Variants in ARV1 observed in about 807,000 individuals in gnomAD.
The protein encoded by ARV1 is protein ARV1.
Under a neutral mutation model 31.1 loss-of-function variants are expected in ARV1, and 26 were observed. The observed-to-expected ratio is 0.84, with a 90% CI of 0.61 to 1.16. The LOEUF (loss-of-function observed/expected upper bound fraction) is 1.16. Among genes scored for constraint, ARV1 ranks in the 50% most tolerant of loss-of-function variants. The probability of loss-of-function intolerance (pLI) is 0.00; values close to 1 mark genes in which losing one functional copy is unlikely to be tolerated. For missense variants in ARV1, 281 were observed against 324.9 expected (o/e 0.86, Z 1.04); for synonymous variants, 117 against 123.2 (o/e 0.95, Z 0.34).
chr1:230,983,412 CAAAAA>C (rs386369944), intron 1 of ARV1, among the ~76,000 whole-genome samples: 13 of 106,418 alleles, frequency 1.2e-4, no homozygotes, highest in Non-Finnish European at 2.2e-4. Flanking sequence ...GACTCCGTCT[CAAAAA>C]AAAAAAAAAA....
chr1:230,998,746 A>G (rs1021398585), intron 5 of ARV1, among the ~76,000 whole-genome samples: 3 of 132,794 alleles, frequency 2.3e-5, no homozygotes, highest in East Asian at 2.0e-4. Flanking sequence ...TCTTTACAGG[A>G]AAAAAAAAAA....
intron 3 of ARV1, among the ~76,000 whole-genome samples, chr1:230,991,903 C>A (rs1393703566): frequency 6.6e-6 from 1 of 152,160 alleles, no homozygotes; most frequent in African/African-American, 2.4e-5. Flanking sequence ...GCTGGGATTA[C>A]AGGCATGAGC....
In ARV1 at chr1:230,984,371, T is replaced by TGTGCGTGC. The variant is rs1553303982; in HGVS notation, c.175-3946_175-3945insCGTGCGTG. 5.7e-4 allele frequency among the ~76,000 whole-genome samples: 49 copies of TGTGCGTGC among 85,574 alleles called. 1 individual carries two copies. The highest frequency in any genetic ancestry group is 2.1e-3 in the African/African-American group (48 of 23,032). 56.1% of individuals were successfully genotyped at this position (85,574 alleles called of 152,430 possible). On this transcript the variant is annotated intron_variant, in intron 1 of 5. Transcript: ENST00000310256. ...GTGTGTGTGTGTGTGTGCGTGTGTG[T>TGTGCGTGC]GTGTGTGTGTGTGTGTGTGTGTGTG...
At chr1:230,986,133 A>G (rs570706022) in intron 1 of ARV1, among the ~76,000 whole-genome samples, 17 of 152,020 alleles carry the variant, frequency 1.1e-4, no homozygotes, top group African/African-American at 4.1e-4. Context: ...CATGTTAGCC[A>G]GGATGGTCTC....
At chr1:230,989,704 A>G (rs1347135362) in intron 2 of ARV1, among the ~76,000 whole-genome samples, 3 of 152,218 alleles carry the variant, frequency 2.0e-5, no homozygotes, top group Non-Finnish European at 2.9e-5. Flanking sequence ...TCCCACATAT[A>G]CATGAATCAC....
chr1:230,980,188 A>G (rs1678823756), intron 1 of ARV1, among the ~76,000 whole-genome samples: 1 of 152,160 alleles, frequency 6.6e-6, no homozygotes, highest in Non-Finnish European at 1.5e-5. Context: ...CTTTTGTCAA[A>G]ATGTCAACCC....
intron 1 of ARV1, among the ~76,000 whole-genome samples, chr1:230,986,553 A>G (rs1679075352): frequency 6.6e-6 from 1 of 151,434 alleles, no homozygotes; most frequent in Admixed American, 6.6e-5. Context: ...TTTGGGGTAT[A>G]TGTTCCAGGA....
intron 3 of ARV1, among the ~76,000 whole-genome samples, chr1:230,992,465 C>T (rs959798892): frequency 6.6e-6 from 1 of 152,176 alleles, no homozygotes; most frequent in African/African-American, 2.4e-5. Flanking sequence ...CTTTGTTTTT[C>T]TTATGGTACT....
rs375101362 is a variant in ARV1 at position 230,996,327 on chromosome 1, A to G, written c.673+343A>G. Among the ~76,000 whole-genome samples the G allele has an allele frequency of 4.6e-5, 7 of 152,248 alleles. No individual in the cohort carries two copies. In the East Asian group the frequency reaches 5.8e-4, roughly 13 times the overall value. On this transcript the variant is annotated intron_variant, in intron 4 of 5. Transcript: ENST00000310256. ...TACATGGCTGGGCAGTTATCAAGTC[A>G]GGAGAGAATGCTGAGTATCTGCCTC...
intron 2 of ARV1, 45 bp from the exon 3 acceptor site, chr1:230,990,065 C>A: frequency 6.4e-7 from 1 of 1,558,528 alleles, no homozygotes; most frequent in Non-Finnish European, 8.7e-7. Context: ...ACTAGTGCAA[C>A]TGGGTTTCCT....
At chr1:230,998,606 C>T (rs1679436722) in intron 5 of ARV1, among the ~76,000 whole-genome samples, 1 of 152,072 alleles carries the variant, frequency 6.6e-6, no homozygotes, top group Non-Finnish European at 1.5e-5. Context: ...AACCTATGCT[C>T]CTAAAATTCA....
intron 1 of ARV1, among the ~76,000 whole-genome samples, chr1:230,987,097 T>C (rs2103047728): frequency 6.6e-6 from 1 of 152,258 alleles, no homozygotes; most frequent in Non-Finnish European, 1.5e-5. Flanking sequence ...TTGGGGCTAT[T>C]ATTAAGTCAA....
At position 230,995,797 on chromosome 1, in the gene ARV1, G is replaced by A. The variant is rs1679344608; in HGVS notation, c.486G>A (p.Leu162=). 3 of 1,613,688 alleles carry A rather than the reference G, an allele frequency of 1.9e-6. No individual in the cohort carries two copies. The highest frequency in any genetic ancestry group is 1.7e-6 in the Non-Finnish European group (2 of 1,179,920). ...TAYFIGIFTF[L]WVERPMTAKK... is the part of the protein sequence containing the mutation. ...ATTTTATTGGCATTTTTACCTTCCT[G>A]TGGGTAGAACGGCCCATGACGGCAA... The change falls in exon 4 of 6, where the codon CTG becomes CTA. Residue 162 remains leucine, a synonymous_variant. Transcript: ENST00000310256.
At chr1:230,996,117 A>G in intron 4 of ARV1, 133 bp downstream of exon 4, 1 of 669,242 alleles carries the variant, frequency 1.5e-6, no homozygotes. Flanking sequence ...AATACCTAAC[A>G]CTTCTATAGC....
At chr1:230,982,227 C>A (rs1052818105) in intron 1 of ARV1, among the ~76,000 whole-genome samples, 10 of 152,190 alleles carry the variant, frequency 6.6e-5, no homozygotes, top group Admixed American at 3.9e-4. Context: ...TATGCTTGGC[C>A]ATCCAGGTAG....
chr1:230,999,192 G>A (rs1040995294), intron 5 of ARV1, among the ~76,000 whole-genome samples: 4 of 152,136 alleles, frequency 2.6e-5, no homozygotes, highest in Admixed American at 2.0e-4. Context: ...CTACCAGGAC[G>A]GTCCTGCCAT....
At chr1:230,983,468 T>C (rs929376939) in intron 1 of ARV1, among the ~76,000 whole-genome samples, 1 of 151,102 alleles carries the variant, frequency 6.6e-6, no homozygotes, top group African/African-American at 2.4e-5. Flanking sequence ...TTATTTTAAG[T>C]GCACAGATAT....
chr1:230,988,678 A>G (rs562741192), intron 2 of ARV1, among the ~76,000 whole-genome samples: 37 of 152,358 alleles, frequency 2.4e-4, no homozygotes, highest in African/African-American at 8.2e-4. Context: ...GAAACTGACA[A>G]GCCATGATCT....
At chr1:230,987,128 A>G (rs1040050472) in intron 1 of ARV1, among the ~76,000 whole-genome samples, 1 of 152,120 alleles carries the variant, frequency 6.6e-6, no homozygotes, top group Non-Finnish European at 1.5e-5. Context: ...CTTGAACCAC[A>G]AGCACTGCAG....
Sources: allele counts gnomAD v4.1 joint callset (sites outside exome capture counted in the v4.1 genomes callset), GRCh38; gene constraint gnomAD v4.1.1; transcripts MANE v1.5; gene names NCBI Gene and HGNC (gene_info 2026-07-23, HGNC 2026-07-21).